The following PFKFB3 variants were observed in gnomAD, a reference collection of about 807,000 sequenced individuals.
The protein encoded by PFKFB3 is 6-phosphofructo-2-kinase/fructose-2,6-biphosphatase 3.
A neutral mutation model predicts 68.0 loss-of-function variants in PFKFB3; 33 were observed. That is an observed-to-expected ratio of 0.49 (90% CI 0.37 to 0.65). The LOEUF (loss-of-function observed/expected upper bound fraction) is 0.65. PFKFB3 is among the 30% of genes least tolerant of loss of function. PFKFB3 has a pLI of 0.00. For missense variants in PFKFB3, 586 were observed against 712.2 expected (o/e 0.82, Z 2.02); for synonymous variants, 315 against 288.2 (o/e 1.09, Z -0.94).
At chr10:6,155,673 C>T (rs1184954889) in intron 1 of PFKFB3, among the ~76,000 whole-genome samples, 7 of 152,068 alleles carry the variant, frequency 4.6e-5, no homozygotes, top group Admixed American at 2.6e-4. Context: ...ACCTGCTGAC[C>T]GGGTTCACTT....
In PFKFB3 at chr10:6,216,899, C is replaced by T. The variant is rs551939269; in HGVS notation, c.441+119C>T. On this transcript the variant is annotated intron_variant, in intron 5 of 14. Transcript: ENST00000379775. Reference sequence around the variant, plus strand: ...GCTGCCCATGTTCCTTAGTCCTGCTCGGTCCCTCCCCTCCTGCTGCCCACG... The same window carrying T: ...GCTGCCCATGTTCCTTAGTCCTGCTTGGTCCCTCCCCTCCTGCTGCCCACG... 4.2e-5 allele frequency: 35 copies of T among 841,948 alleles called. No individual in the cohort carries two copies. In the East Asian group the frequency reaches 4.6e-4, roughly 11 times the overall value. 52.2% of individuals were successfully genotyped at this position (841,948 alleles called of 1,614,324 possible).
intron 14 of PFKFB3, among the ~76,000 whole-genome samples, chr10:6,253,547 G>A (rs912876102): frequency 2.6e-4 from 40 of 152,104 alleles, no homozygotes; most frequent in African/African-American, 9.4e-4. Context: ...GGGTGCCAGC[G>A]GGGGACGGGG....
At chr10:6,256,602 T>C (rs1846498602), downstream of PFKFB3, among the ~76,000 whole-genome samples, 1 of 152,240 alleles carries the variant, frequency 6.6e-6, no homozygotes, top group Non-Finnish European at 1.5e-5. Flanking sequence ...GTCAGTGGTC[T>C]GACTTCATTC....
chr10:6,231,186 G>T, intron 14 of PFKFB3: 1 of 1,071,284 alleles, frequency 9.3e-7, no homozygotes, highest in Non-Finnish European at 1.4e-6. Flanking sequence ...ATGCACACTA[G>T]AAAATCCTAC....
chr10:6,261,386 A>G, the PFKFB3 span, among the ~76,000 whole-genome samples: 3,126 of 152,290 alleles, frequency 0.021, 163 homozygotes, highest in East Asian at 0.2. Context: ...AGGAACATAG[A>G]TGGAGCTGGA....
At chr10:6,309,512 C>T in the PFKFB3 span, among the ~76,000 whole-genome samples, 115 of 152,110 alleles carry the variant, frequency 7.6e-4, no homozygotes, top group Non-Finnish European at 1.2e-3. Flanking sequence ...ATCCTAGCTA[C>T]TTGGGAAGCT....
chr10:6,326,095 G>A, the PFKFB3 span, among the ~76,000 whole-genome samples: 1 of 152,170 alleles, frequency 6.6e-6, no homozygotes, highest in Admixed American at 6.5e-5. Context: ...AAAAACCAAC[G>A]ATGTTGTGAA....
At chr10:6,153,178 AAGAAAGAAAG>A (rs1162986203) in intron 1 of PFKFB3, among the ~76,000 whole-genome samples, 2 of 12,114 alleles carry the variant, frequency 1.7e-4, no homozygotes, top group African/African-American at 3.4e-4. Context: ...TCTCAGAAAA[AAGAAAGAAAG>A]AAAGAAAGAA....
Position 6,203,085 on chromosome 10 carries a change from A to C in PFKFB3, c.-176A>C, listed in dbSNP as rs1843440522. ...TCGCAGCACACGTCGAGCCCCGCAC[A>C]GGCGAGGGTCCGGAACTTAGCCCAA... is the stretch of plus-strand genomic sequence containing the variant. On this transcript the variant is annotated 5_prime_UTR_variant, in exon 1 of 15. Transcript: ENST00000379775. The C allele has an allele frequency of 4.2e-6, 6 of 1,423,894 alleles. No homozygotes were observed. The African/African-American group carries it at 7.5e-5, about 18-fold the overall frequency. 88.2% of individuals were successfully genotyped at this position (1,423,894 alleles called of 1,614,324 possible). A position where few individuals can be genotyped will look rare whatever the true frequency, so the allele number is the denominator to read the frequency against.
rs575851417 is a variant in PFKFB3, at chr10:6,245,244, A to C, written c.1516-8934A>C. Among the ~76,000 whole-genome samples, 3 of 150,884 alleles carry C rather than the reference A, an allele frequency of 2.0e-5. No homozygotes were observed. In the East Asian group the frequency reaches 5.9e-4, roughly 30 times the overall value. On this transcript the variant is annotated intron_variant, in intron 14 of 14. Coordinates refer to the PFKFB3 transcript ENST00000640683. ...CCCGAGTAGCTGGGATTACAGGCAT[A>C]CGCCACCATGCCTGGCTAATTTTTA...
chr10:6,319,695 AT>A, the PFKFB3 span, among the ~76,000 whole-genome samples: 1 of 147,504 alleles, frequency 6.8e-6, no homozygotes, highest in Non-Finnish European at 1.5e-5. Flanking sequence ...AAAAAAAAAA[AT>A]CCCCTAAGTC....
At chr10:6,266,619 ATATC>A in the PFKFB3 span, among the ~76,000 whole-genome samples, 1 of 152,202 alleles carries the variant, frequency 6.6e-6, no homozygotes, top group Non-Finnish European at 1.5e-5. Flanking sequence ...GTGTGTATCT[ATATC>A]TATATATGGT....
At chr10:6,191,078 A>T (rs550213694) in intron 1 of PFKFB3, among the ~76,000 whole-genome samples, 110 of 152,318 alleles carry the variant, frequency 7.2e-4, no homozygotes, top group African/African-American at 2.2e-3. Flanking sequence ...CACGACACCC[A>T]GCCAACTTCC....
the PFKFB3 span, among the ~76,000 whole-genome samples, chr10:6,274,858 C>A: frequency 6.6e-6 from 1 of 151,680 alleles, no homozygotes; most frequent in Non-Finnish European, 1.5e-5. Flanking sequence ...AAAAACAAAA[C>A]TGCAATAACC....
the PFKFB3 span, among the ~76,000 whole-genome samples, chr10:6,305,005 A>ATTTT: frequency 0.022 from 320 of 14,524 alleles, 138 homozygotes; most frequent in African/African-American, 0.025. Context: ...AATATTAGGA[A>ATTTT]TTTTTTTTTT....
At chr10:6,162,780 G>T (rs1237018352) in intron 1 of PFKFB3, among the ~76,000 whole-genome samples, 2 of 152,122 alleles carry the variant, frequency 1.3e-5, no homozygotes, top group Non-Finnish European at 2.9e-5. Flanking sequence ...CTTAACTCCT[G>T]TTCCAGGCTC....
the PFKFB3 span, among the ~76,000 whole-genome samples, chr10:6,272,599 G>A: frequency 6.6e-6 from 1 of 152,064 alleles, no homozygotes; most frequent in Non-Finnish European, 1.5e-5. Flanking sequence ...GGAGGCTGAG[G>A]CAGGAGAATT....
At chr10:6,157,890 G>A (rs10905919) in intron 1 of PFKFB3, among the ~76,000 whole-genome samples, 2 of 151,792 alleles carry the variant, frequency 1.3e-5, no homozygotes, top group Admixed American at 1.3e-4. Flanking sequence ...TGGAAAAACC[G>A]ACTTGACTGA....
chr10:6,249,270 T>C (rs1846326918), intron 14 of PFKFB3, among the ~76,000 whole-genome samples: 1 of 149,170 alleles, frequency 6.7e-6, no homozygotes, highest in Admixed American at 6.7e-5. Flanking sequence ...CTATGAAAAA[T>C]TGTATAGAAG....
Sources: gnomAD v4.1 joint callset for allele counts (sites outside exome capture counted in the v4.1 genomes callset) on GRCh38, gnomAD v4.1.1 for gene constraint, MANE v1.5 for transcripts, NCBI Gene and HGNC (gene_info 2026-07-23, HGNC 2026-07-21) for gene names.